Variants in GREB1 observed in about 807,000 individuals in gnomAD.
GREB1 encodes the protein protein GREB1.
Under a neutral mutation model 200.7 loss-of-function variants are expected in GREB1, and 106 were observed. The ratio of observed to expected loss-of-function variants is 0.53; its 90% confidence interval spans 0.45 to 0.62. The LOEUF is 0.62. GREB1 is among the 20% of genes least tolerant of loss of function. GREB1 has a pLI of 0.00. For synonymous variants in GREB1, 1,132 were observed against 1,092.4 expected (o/e 1.04, Z -0.72); for missense variants, 2,243 against 2,556.8 (o/e 0.88, Z 2.65).
intron 1 of GREB1, among the ~76,000 whole-genome samples, chr2:11,519,449 GT>G (rs70955804): frequency 0.011 from 856 of 76,986 alleles, 2 homozygotes; most frequent in African/African-American, 0.029. Flanking sequence ...ACTTGTTTTG[GT>G]TTTTTTTTTT....
At position 11,580,743 on chromosome 2, in the gene GREB1, G is replaced by A. The variant is rs1050321012; in HGVS notation, c.812G>A (p.Gly271Asp). The change falls in exon 7 of 33, where the codon GGT becomes GAT. Residue 271 changes from glycine (G) to aspartate (D), a missense_variant. By Grantham distance (94) the Gly-to-Asp change is moderately conservative. This residue lies in a region of GREB1 where 1,178 missense variants were observed against 1,387.4 expected (regional missense o/e 0.85). Coordinates refer to ENST00000381486, the MANE Select transcript of GREB1 (RefSeq NM_014668.4). The surrounding 1 kb of genome is among the most constrained non-coding windows in gnomAD (Gnocchi z 4.5). ...CACCCCTCACTAAACGCAGCAATGG[G>A]TCCGGCTGTTTTCAACGGCAAAGAT... ...SDHPSLNAAM[G>D]PAVFNGKDSP... is the part of the protein sequence containing the mutation. 8.7e-6 allele frequency: 14 copies of A among 1,614,082 alleles called. No individual in the cohort carries two copies. The highest frequency in any genetic ancestry group is 1.1e-5 in the Non-Finnish European group (13 of 1,180,042).
chr2:11,545,946 G>T (rs1197372720), intron 1 of GREB1, among the ~76,000 whole-genome samples: 1 of 152,230 alleles, frequency 6.6e-6, no homozygotes, highest in Non-Finnish European at 1.5e-5. Context: ...GGGAGGCTGA[G>T]GCGGGTGGAT....
At chr2:11,579,424 G>A (rs1572787307) in intron 6 of GREB1, among the ~76,000 whole-genome samples, 1 of 151,872 alleles carries the variant, frequency 6.6e-6, no homozygotes. Flanking sequence ...TGTCTAATTT[G>A]TAGGGCAATT....
In GREB1 at chr2:11,593,132, C is replaced by T. The variant is rs1680902083; in HGVS notation, c.1696+6C>T. The T allele has an allele frequency of 1.9e-6, 3 of 1,569,784 alleles. No individual in the cohort carries two copies. The highest frequency in any genetic ancestry group is 2.6e-6 in the Non-Finnish European group (3 of 1,152,414). ...CTCCTGCATCGCCGTCACCGGTGAG[C>T]TCTGGGCCGCGCGGCTGCGGGAAAG... On this transcript the variant is annotated splice_donor_region_variant and intron_variant, in intron 11 of 32. Transcript: ENST00000381486.
At chr2:11,574,023 G>A (rs1407535990) in intron 4 of GREB1, among the ~76,000 whole-genome samples, 3 of 152,152 alleles carry the variant, frequency 2.0e-5, no homozygotes, top group East Asian at 1.9e-4. Flanking sequence ...AGGTTTCTTC[G>A]GGCCTTGTTC....
At chr2:11,489,021 A>G (rs1229265422) in intron 1 of GREB1, among the ~76,000 whole-genome samples, 1 of 152,192 alleles carries the variant, frequency 6.6e-6, no homozygotes, top group African/African-American at 2.4e-5. Flanking sequence ...AGCACTCAGT[A>G]CAATGGCTGG....
intron 4 of GREB1, among the ~76,000 whole-genome samples, chr2:11,568,490 C>A (rs1318885310): frequency 6.6e-6 from 1 of 152,230 alleles, no homozygotes; most frequent in African/African-American, 2.4e-5. Context: ...AAAACAGAAC[C>A]ATTCCAGAAA....
chr2:11,514,249 C>T (rs1673427736), intron 1 of GREB1, among the ~76,000 whole-genome samples: 1 of 152,226 alleles, frequency 6.6e-6, no homozygotes, highest in African/African-American at 2.4e-5. Context: ...AGTTCTCATT[C>T]AGTCTTTTAA....
Position 11,615,217 on chromosome 2 carries a change from G to A in GREB1, c.3249G>A (p.Arg1083=). 6.2e-7 allele frequency: 1 copy of A among 1,613,810 alleles called. No individual in the cohort carries two copies. The highest frequency in any genetic ancestry group is 8.5e-7 in the Non-Finnish European group (1 of 1,179,838). The change falls in exon 20 of 33, where the codon AGG becomes AGA. Residue 1083 remains arginine, a synonymous_variant. Coordinates refer to ENST00000381486, the MANE Select transcript of GREB1 (RefSeq NM_014668.4). ...AGGTTCCCTTGGAGAAGGGGGCTAGGAACGAGGCCTTGGAGAGTGATGCTG... is the reference window on the plus strand; with the variant it reads ...AGGTTCCCTTGGAGAAGGGGGCTAGAAACGAGGCCTTGGAGAGTGATGCTG... The part of the protein sequence containing the change: ...SNEVPLEKGA[R]NEALESDAEK...
chr2:11,549,596 C>G (rs751674717), intron 1 of GREB1, among the ~76,000 whole-genome samples: 3 of 152,212 alleles, frequency 2.0e-5, no homozygotes, highest in Non-Finnish European at 4.4e-5. Context: ...ATTTTCTTCT[C>G]TTTTCCATTC....
intron 10 of GREB1, among the ~76,000 whole-genome samples, chr2:11,590,798 T>C (rs982260320): frequency 6.6e-6 from 1 of 152,004 alleles, no homozygotes; most frequent in Admixed American, 6.6e-5. Context: ...CCAACCTATA[T>C]TGAGGGAATA....
rs1684744808 is a variant in GREB1, at chr2:11,629,843, G to A, written c.4450-105G>A. The A allele has an allele frequency of 4.5e-6, 5 of 1,118,218 alleles. No individual in the cohort carries two copies. The African/African-American group carries it at 7.7e-5, about 17-fold the overall frequency. The allele number at this position is 1,118,218 out of a possible 1,614,324, so 69.3% of individuals were successfully genotyped here. A position where few individuals can be genotyped will look rare whatever the true frequency, so the allele number is the denominator to read the frequency against. ...CGTGGGTTTCTTGTGCTGTAGGGAA[G>A]TGGTGACTGTGAGCTGCACGTTGTC... On this transcript the variant is annotated intron_variant, in intron 25 of 32. Coordinates refer to ENST00000381486, the MANE Select transcript of GREB1 (RefSeq NM_014668.4). This position sits in a 1 kb window ranked among gnomAD's most constrained non-coding sequence, Gnocchi z 5.2.
chr2:11,620,673 A>G (rs553655569), intron 22 of GREB1, among the ~76,000 whole-genome samples: 4 of 152,340 alleles, frequency 2.6e-5, no homozygotes, highest in African/African-American at 4.8e-5. Flanking sequence ...GTTAAAATCT[A>G]GAGATGCGTG....
At chr2:11,507,663 C>A (rs1673221994) in intron 1 of GREB1, among the ~76,000 whole-genome samples, 1 of 152,192 alleles carries the variant, frequency 6.6e-6, no homozygotes, top group Non-Finnish European at 1.5e-5. Flanking sequence ...GGAGTTGCTG[C>A]CTGTCCAGGC....
rs1416736631 is a variant in GREB1, at chr2:11,598,659, T to C, written c.2153-21T>C. 8.1e-6 allele frequency: 13 copies of C among 1,611,854 alleles called. No individual in the cohort carries two copies. In the Admixed American group the frequency reaches 2.2e-4, roughly 27 times the overall value. ...CAGTGCGCATGTTTGCAGTTACTGA[T>C]GTATGTTCTTTGTGTTGCAGGGGTT... On this transcript the variant is annotated intron_variant, in intron 14 of 32. Transcript: ENST00000381486.
chr2:11,617,826 A>G (rs1683560306), intron 21 of GREB1, among the ~76,000 whole-genome samples: 1 of 152,064 alleles, frequency 6.6e-6, no homozygotes, highest in African/African-American at 2.4e-5. Flanking sequence ...CCACCAGGAG[A>G]CTGGCTAGGG....
chr2:11,509,568 C>T (rs1390303189), intron 1 of GREB1, among the ~76,000 whole-genome samples: 2 of 152,048 alleles, frequency 1.3e-5, no homozygotes, highest in African/African-American at 2.4e-5. Flanking sequence ...ATGTTTGCTA[C>T]GGTTTGAATG....
At chr2:11,488,924 T>A (rs1245932601) in intron 1 of GREB1, among the ~76,000 whole-genome samples, 1 of 113,122 alleles carries the variant, frequency 8.8e-6, no homozygotes, top group African/African-American at 3.0e-5. Flanking sequence ...ACACCGCATT[T>A]GCAGTGACAT....
chr2:11,617,970 C>T (rs185536266), intron 21 of GREB1, among the ~76,000 whole-genome samples: 8 of 152,256 alleles, frequency 5.3e-5, no homozygotes, highest in Non-Finnish European at 1.0e-4. Flanking sequence ...GCCCAGAGCT[C>T]GGGGACTGAA....
Sources: gnomAD v4.1 joint callset for allele counts (sites outside exome capture counted in the v4.1 genomes callset) on GRCh38, gnomAD v4.1.1 for gene constraint, gnomAD v4.1.1 regional missense constraint, Gnocchi (gnomAD v3.1) non-coding constraint, MANE v1.5 for transcripts, NCBI Gene and HGNC (gene_info 2026-07-23, HGNC 2026-07-21) for gene names.